Variants in GLRA3 observed in about 807,000 individuals in gnomAD.
The protein encoded by GLRA3 is glycine receptor alpha 3.
GLRA3 carries 44 observed loss-of-function variants against 60.4 expected under a neutral mutation model. The ratio of observed to expected loss-of-function variants is 0.73; its 90% CI spans 0.57 to 0.94. The LOEUF is 0.94. Ranked by LOEUF, GLRA3 falls within the 40% of genes least tolerant of loss-of-function variation. The pLI, the probability that GLRA3 is intolerant of heterozygous loss-of-function variation, is 0.00. For missense variants in GLRA3, 508 were observed against 564.6 expected (o/e 0.90, Z 1.02); for synonymous variants, 223 against 192.9 (o/e 1.16, Z -1.29).
chr4:174,731,351 ACAGT>A (rs1322994745), intron 3 of GLRA3, among the ~76,000 whole-genome samples: 1 of 152,206 alleles, frequency 6.6e-6, no homozygotes, highest in African/African-American at 2.4e-5. Flanking sequence ...AAGTAAACGG[ACAGT>A]CAAAATAGTA....
chr4:174,730,341 T>A (rs1413038814), intron 3 of GLRA3, among the ~76,000 whole-genome samples: 1 of 152,188 alleles, frequency 6.6e-6, no homozygotes, highest in Non-Finnish European at 1.5e-5. Flanking sequence ...ACTAAAGGAA[T>A]CAGTGATTGA....
chr4:174,721,790 T>A (rs1179319361), intron 4 of GLRA3, among the ~76,000 whole-genome samples: 1 of 149,002 alleles, frequency 6.7e-6, no homozygotes, highest in Middle Eastern at 3.2e-3. Flanking sequence ...TGTGTATATA[T>A]ACATATAGAT....
At chr4:174,777,095 C>T (rs1738632134) in intron 2 of GLRA3, among the ~76,000 whole-genome samples, 1 of 151,972 alleles carries the variant, frequency 6.6e-6, no homozygotes, top group South Asian at 2.1e-4. Context: ...TATTGTTTTA[C>T]AGAAATGACA....
intron 3 of GLRA3, among the ~76,000 whole-genome samples, chr4:174,754,682 T>A (rs1239123891): frequency 6.6e-6 from 1 of 152,174 alleles, no homozygotes; most frequent in African/African-American, 2.4e-5. Flanking sequence ...TGGCACATTT[T>A]AGGGGAAGTT....
chr4:174,654,574 A>G (rs1325768920), intron 9 of GLRA3, among the ~76,000 whole-genome samples: 1 of 152,164 alleles, frequency 6.6e-6, no homozygotes. Context: ...CTGTGTGCCT[A>G]TGTTTTCTTG....
In GLRA3 at chr4:174,788,812, T is replaced by A. The variant is rs761093068; in HGVS notation, c.199+4A>T. 6 of 1,592,306 alleles carry A rather than the reference T, an allele frequency of 3.8e-6. No individual in the cohort carries two copies. The highest frequency in any genetic ancestry group is 5.1e-6 in the Non-Finnish European group (6 of 1,167,720). ...ACATATAAAGTAGCAAACAGAACAA[T>A]TACCTTTAAAATTGGGTCTGATTCT... On this transcript the variant is annotated splice_donor_region_variant and intron_variant, in intron 2 of 9. Coordinates refer to ENST00000274093, the MANE Select transcript of GLRA3 (RefSeq NM_006529.4).
intron 1 of GLRA3, among the ~76,000 whole-genome samples, chr4:174,809,257 C>T (rs1241162289): frequency 1.3e-5 from 2 of 152,138 alleles, no homozygotes; most frequent in Non-Finnish European, 2.9e-5. Flanking sequence ...AGCCTGGGAG[C>T]CATAGGCTGT....
chr4:174,709,643 G>T (rs1163227941), intron 5 of GLRA3, among the ~76,000 whole-genome samples: 1 of 152,006 alleles, frequency 6.6e-6, no homozygotes, highest in East Asian at 1.9e-4. Context: ...TTGAACTTCT[G>T]GCTTTTATAC....
chr4:174,797,201 C>T (rs920838397), intron 1 of GLRA3, among the ~76,000 whole-genome samples: 6 of 152,196 alleles, frequency 3.9e-5, no homozygotes, highest in African/African-American at 1.4e-4. Context: ...AGAAACTTTA[C>T]CATCAAAGCC....
At chr4:174,680,834 A>G (rs1366891858) in intron 6 of GLRA3, among the ~76,000 whole-genome samples, 1 of 152,016 alleles carries the variant, frequency 6.6e-6, no homozygotes, top group Non-Finnish European at 1.5e-5. Context: ...TTCTGGGGGG[A>G]AAGGGTATTT....
At position 174,671,852 on chromosome 4, in the gene GLRA3, T is replaced by C. The variant is rs1274032353; in HGVS notation, c.927+5226A>G. On this transcript the variant is annotated intron_variant, in intron 7 of 9. Transcript: ENST00000274093. ...TTTTAGTAGAGACGGGGTTTTGCCA[T>C]GTTGGCTAGGCTGTTCTGAAACTCC... 4.6e-5 allele frequency among the ~76,000 whole-genome samples: 7 copies of C among 152,212 alleles called. No homozygotes were observed. In the East Asian group the frequency reaches 5.8e-4, roughly 13 times the overall value.
chr4:174,646,569 G>A (rs1732827234), intron 9 of GLRA3, among the ~76,000 whole-genome samples: 1 of 152,184 alleles, frequency 6.6e-6, no homozygotes, highest in South Asian at 2.1e-4. Context: ...TAGATGGTAT[G>A]CAAGTGTGGT....
At chr4:174,668,659 G>A (rs1036822367) in intron 7 of GLRA3, among the ~76,000 whole-genome samples, 1 of 152,080 alleles carries the variant, frequency 6.6e-6, no homozygotes, top group Non-Finnish European at 1.5e-5. Flanking sequence ...TTTATAAACA[G>A]CATAGTTTAA....
chr4:174,725,451 CT>C (rs1398334900), intron 4 of GLRA3, among the ~76,000 whole-genome samples: 3 of 152,150 alleles, frequency 2.0e-5, no homozygotes, highest in African/African-American at 7.2e-5. Flanking sequence ...TTTATCATGG[CT>C]ACTTTAAAGT....
intron 7 of GLRA3, among the ~76,000 whole-genome samples, chr4:174,671,137 C>G (rs1017511784): frequency 6.6e-6 from 1 of 152,030 alleles, no homozygotes; most frequent in African/African-American, 2.4e-5. Flanking sequence ...ATTACACATT[C>G]TGTCACAGTA....
intron 7 of GLRA3, among the ~76,000 whole-genome samples, chr4:174,676,787 T>G (rs929654052): frequency 6.6e-6 from 1 of 152,172 alleles, no homozygotes; most frequent in African/African-American, 2.4e-5. Flanking sequence ...TATTTCTAAA[T>G]ATTTTAAAAC....
chr4:174,652,151 A>G (rs1002023612), intron 9 of GLRA3, among the ~76,000 whole-genome samples: 1 of 152,096 alleles, frequency 6.6e-6, no homozygotes, highest in African/African-American at 2.4e-5. Flanking sequence ...GCTTTGCATT[A>G]CCCAGTCATA....
intron 1 of GLRA3, among the ~76,000 whole-genome samples, chr4:174,806,137 G>T (rs578024100): frequency 6.6e-6 from 1 of 152,024 alleles, no homozygotes; most frequent in Non-Finnish European, 1.5e-5. Context: ...TTTTAAATCT[G>T]GGATGTTCAA....
At chr4:174,650,995 C>G (rs1302081510) in intron 9 of GLRA3, among the ~76,000 whole-genome samples, 1 of 152,198 alleles carries the variant, frequency 6.6e-6, no homozygotes, top group Non-Finnish European at 1.5e-5. Context: ...TTGCCCTTGG[C>G]TTCTGGAGGA....
Sources: allele counts gnomAD v4.1 joint callset (sites outside exome capture counted in the v4.1 genomes callset), GRCh38; gene constraint gnomAD v4.1.1; transcripts MANE v1.5; gene names NCBI Gene and HGNC (gene_info 2026-07-23, HGNC 2026-07-21).